DCUN1D4: variants seen among roughly 807,000 people sequenced by gnomAD.
DCUN1D4 encodes defective in cullin neddylation 1 domain containing 4, also known as DCN1-like protein 4.
A neutral mutation model predicts 47.9 loss-of-function variants in DCUN1D4; 22 were observed. The observed-to-expected ratio is 0.46, with a 90% CI of 0.33 to 0.66. The LOEUF is 0.66. Ranked by LOEUF, DCUN1D4 falls within the 30% of genes least tolerant of loss-of-function variation. The probability of loss-of-function intolerance (pLI) is 0.02; values close to 1 mark genes in which losing one functional copy is unlikely to be tolerated. For missense variants in DCUN1D4, 301 were observed against 340.8 expected (o/e 0.88, Z 0.92); for synonymous variants, 121 against 112.2 (o/e 1.08, Z -0.50).
intron 1 of DCUN1D4, among the ~76,000 whole-genome samples, chr4:51,855,408 A>G (rs755723503): frequency 6.6e-6 from 1 of 152,194 alleles, no homozygotes; most frequent in South Asian, 2.1e-4. Flanking sequence ...TAATATCAGG[A>G]AGTGGTAAGT....
the DCUN1D4 span, among the ~76,000 whole-genome samples, chr4:51,835,161 G>A: frequency 6.6e-6 from 1 of 152,224 alleles, no homozygotes; most frequent in African/African-American, 2.4e-5. Flanking sequence ...TCTGTAAAAT[G>A]TTATCAAAGA....
chr4:51,838,945 T>G (rs183052088), upstream of DCUN1D4, among the ~76,000 whole-genome samples: 8 of 152,108 alleles, frequency 5.3e-5, no homozygotes, highest in Admixed American at 2.0e-4. Context: ...TGTGGTGGCG[T>G]GTGCCTGTAA....
the DCUN1D4 span, among the ~76,000 whole-genome samples, chr4:51,834,114 C>CTTTTTT: frequency 5.4e-5 from 2 of 37,204 alleles, no homozygotes; most frequent in Admixed American, 2.8e-4. Context: ...TTTTTTTTTT[C>CTTTTTT]TTTTTTTTTT....
intron 1 of DCUN1D4, among the ~76,000 whole-genome samples, chr4:51,855,160 G>C (rs1294069016): frequency 6.6e-6 from 1 of 152,154 alleles, no homozygotes; most frequent in African/African-American, 2.4e-5. Flanking sequence ...ACCTCCTGTT[G>C]TGTGACTCTG....
chr4:51,911,240 C>A, intron 9 of DCUN1D4, 66 bp downstream of exon 9: 6 of 1,408,324 alleles, frequency 4.3e-6, no homozygotes, highest in Non-Finnish European at 5.9e-6. Context: ...ACTTTATTCA[C>A]CCGTTGTATG....
At chr4:51,842,609 G>A (rs910113207), upstream of DCUN1D4, among the ~76,000 whole-genome samples, 7 of 152,208 alleles carry the variant, frequency 4.6e-5, no homozygotes, top group Non-Finnish European at 1.0e-4. Flanking sequence ...GTCCGAGTTC[G>A]GCGCGAACTG....
At chr4:51,897,114 ACT>A (rs1731389862) in intron 7 of DCUN1D4, among the ~76,000 whole-genome samples, 1 of 151,532 alleles carries the variant, frequency 6.6e-6, no homozygotes, top group African/African-American at 2.4e-5. Context: ...TTATCTCTCA[ACT>A]CTCTTAGCTT....
chr4:51,912,829 T>G (rs1733903342), intron 9 of DCUN1D4, among the ~76,000 whole-genome samples: 1 of 152,254 alleles, frequency 6.6e-6, no homozygotes, highest in South Asian at 2.1e-4. Flanking sequence ...GCCGAAGGCT[T>G]GGCCATGGGC....
At chr4:51,887,318 T>A (rs1729655857) in intron 6 of DCUN1D4, 1 of 317,850 alleles carries the variant, frequency 3.1e-6, no homozygotes, top group Non-Finnish European at 6.1e-6. Context: ...TGGCCAGATG[T>A]CTCTATCTCC....
At chr4:51,904,295 G>A (rs1410119761) in intron 8 of DCUN1D4, among the ~76,000 whole-genome samples, 2 of 152,052 alleles carry the variant, frequency 1.3e-5, no homozygotes, top group African/African-American at 4.8e-5. Flanking sequence ...GCTGACTGGT[G>A]GGATTACAAA....
chr4:51,913,614 T>G lies in DCUN1D4; in HGVS notation c.*30T>G, dbSNP rs1734025114. On this transcript the variant is annotated 3_prime_UTR_variant, in exon 11 of 11. Coordinates refer to ENST00000334635, the MANE Select transcript of DCUN1D4 (RefSeq NM_001040402.3). ...TTATGCATAGCAGCGAGAGAGTCACTGTTACCACAGTTTTGTCACCCATTA... is the reference window on the plus strand; with the variant it reads ...TTATGCATAGCAGCGAGAGAGTCACGGTTACCACAGTTTTGTCACCCATTA... 1.9e-6 allele frequency: 3 copies of G among 1,601,606 alleles called. No homozygotes were observed. The highest frequency in any genetic ancestry group is 1.7e-6 in the Non-Finnish European group (2 of 1,170,460).
At chr4:51,870,744 C>T (rs758895687) in intron 3 of DCUN1D4, among the ~76,000 whole-genome samples, 1 of 152,226 alleles carries the variant, frequency 6.6e-6, no homozygotes, top group Non-Finnish European at 1.5e-5. Context: ...GTTGGGATCC[C>T]TGCAACCATT....
chr4:51,899,644 A>G (rs1731800752), intron 8 of DCUN1D4, among the ~76,000 whole-genome samples: 3 of 152,184 alleles, frequency 2.0e-5, no homozygotes, highest in Admixed American at 2.0e-4. Context: ...CATGCAATAC[A>G]CACTGTCTTA....
At chr4:51,890,513 C>T (rs780598196) in intron 6 of DCUN1D4, among the ~76,000 whole-genome samples, 6 of 152,174 alleles carry the variant, frequency 3.9e-5, no homozygotes, top group Non-Finnish European at 5.9e-5. Flanking sequence ...ACAGTGTATA[C>T]CTGATCCCTA....
chr4:51,892,048 G>A lies in DCUN1D4; in HGVS notation c.506+197G>A, dbSNP rs532538910. On this transcript the variant is annotated intron_variant, in intron 7 of 10. Coordinates refer to ENST00000334635, the MANE Select transcript of DCUN1D4 (RefSeq NM_001040402.3). Reference sequence around the variant, plus strand: ...GGGCAAATTTATAAAGTGTCTATATGTGTATTTGGAGCGAGAGAGTGTGTT... The same window carrying A: ...GGGCAAATTTATAAAGTGTCTATATATGTATTTGGAGCGAGAGAGTGTGTT... Among the ~76,000 whole-genome samples, 15 of 152,298 alleles carry A rather than the reference G, an allele frequency of 9.8e-5. No individual in the cohort carries two copies. In the East Asian group the frequency reaches 1.9e-3, roughly 20 times the overall value.
the DCUN1D4 span, among the ~76,000 whole-genome samples, chr4:51,834,114 C>CTTTTTTTTTTCTTTTTTTTTT: frequency 2.7e-5 from 1 of 37,204 alleles, no homozygotes; most frequent in African/African-American, 1.1e-4. Context: ...TTTTTTTTTT[C>CTTTTTTTTTTCTTTTTTTTTT]TTTTTTTTTT....
intron 7 of DCUN1D4, 46 bp downstream of exon 7, chr4:51,891,897 G>A (rs1342842528): frequency 6.9e-7 from 1 of 1,456,446 alleles, no homozygotes; most frequent in Non-Finnish European, 9.5e-7. Flanking sequence ...CTTCCCAGGT[G>A]GTTGCCTCCT....
In DCUN1D4 at chr4:51,896,489, C is replaced by T. The variant is rs942666862; in HGVS notation, c.507-2781C>T. Among the ~76,000 whole-genome samples, 5 of 152,256 alleles carry T rather than the reference C, an allele frequency of 3.3e-5. 1 individual carries two copies. The highest frequency in any genetic ancestry group is 1.5e-5 in the Non-Finnish European group (1 of 68,030). Reference sequence around the variant, plus strand: ...TGGCTTTGGTCCTTGACCCTCTTTCCGGTGAAGAACAGGGACCTCGACCTT... The same window carrying T: ...TGGCTTTGGTCCTTGACCCTCTTTCTGGTGAAGAACAGGGACCTCGACCTT... On this transcript the variant is annotated intron_variant, in intron 7 of 10. Transcript: ENST00000334635.
At chr4:51,911,475 T>C (rs1733708442) in intron 9 of DCUN1D4, among the ~76,000 whole-genome samples, 1 of 152,186 alleles carries the variant, frequency 6.6e-6, no homozygotes, top group Non-Finnish European at 1.5e-5. Flanking sequence ...TTTTCTGTTC[T>C]TTGTAACAAT....
Sources: gnomAD v4.1 joint callset for allele counts (sites outside exome capture counted in the v4.1 genomes callset) on GRCh38, gnomAD v4.1.1 for gene constraint, MANE v1.5 for transcripts, NCBI Gene and HGNC (gene_info 2026-07-23, HGNC 2026-07-21) for gene names.